Variants in SAMD5 observed in about 807,000 individuals in gnomAD.
SAMD5 encodes the protein sterile alpha motif domain containing 5.
In SAMD5, 13 loss-of-function variants were observed where a neutral mutation model predicts 11.3. The observed-to-expected ratio is 1.15, with a 90% CI of 0.75 to 1.83. The LOEUF (loss-of-function observed/expected upper bound fraction) is 1.83, where lower values mean the gene tolerates loss of function less well. SAMD5 is among the 40% of genes most tolerant of loss of function. The pLI is 0.00. For synonymous variants in SAMD5, 129 were observed against 111.3 expected, an observed-to-expected ratio of 1.16 and a Z score of -1.00; for missense variants, 255 against 239.1, an observed-to-expected ratio of 1.07 and a Z score of -0.44.
At chr6:147,734,733 A>AAAAAAAAAAAAAAAAAAAAAAAAAC (rs1791769582) in intron 1 of SAMD5, among the ~76,000 whole-genome samples, 1 of 147,206 alleles carries the variant, frequency 6.8e-6, no homozygotes, top group Non-Finnish European at 1.5e-5. Flanking sequence ...AAAAAAAAAA[A>AAAAAAAAAAAAAAAAAAAAAAAAAC]AAAAAAAAAG....
In SAMD5 at chr6:147,566,063, G is replaced by A. The variant is rs1264100343; in HGVS notation, c.*1607G>A. On this transcript the variant is annotated 3_prime_UTR_variant, in exon 2 of 2. Transcript: ENST00000367474. The stretch of plus-strand genomic sequence containing the variant: ...CTAAGAATAGATAGGCCATTAAGAA[G>A]GATATTAGGTTTCTAAGGACAATTT... 7.1e-6 allele frequency: 7 copies of A among 984,166 alleles called. No homozygotes were observed. The highest frequency in any genetic ancestry group is 1.7e-5 in the African/African-American group (1 of 57,194). The allele number at this position is 984,166 out of a possible 1,614,324, so 61.0% of individuals were successfully genotyped here.
chr6:147,921,209 G>A, the SAMD5 span, among the ~76,000 whole-genome samples: 2 of 151,482 alleles, frequency 1.3e-5, no homozygotes, highest in Non-Finnish European at 2.9e-5. Flanking sequence ...GACTGTGGTT[G>A]TCTATAAAAT....
chr6:147,835,259 T>C, the SAMD5 span, among the ~76,000 whole-genome samples: 1 of 110,514 alleles, frequency 9.0e-6, no homozygotes, highest in Admixed American at 8.5e-5. Context: ...AAAAAAACAG[T>C]ATATGAGATT....
chr6:147,889,174 T>G, the SAMD5 span, among the ~76,000 whole-genome samples: 1 of 152,240 alleles, frequency 6.6e-6, no homozygotes, highest in East Asian at 1.9e-4. Flanking sequence ...TTGTTTTCAG[T>G]TATTTTCACT....
chr6:147,532,670 A>C (rs1345723092), intron 1 of SAMD5, among the ~76,000 whole-genome samples: 1 of 152,188 alleles, frequency 6.6e-6, no homozygotes, highest in Non-Finnish European at 1.5e-5. Context: ...ACTGGATCAA[A>C]TGGTAGTTCT....
chr6:147,858,249 G>A, the SAMD5 span, among the ~76,000 whole-genome samples: 1 of 152,038 alleles, frequency 6.6e-6, no homozygotes, highest in Non-Finnish European at 1.5e-5. Context: ...TGGTCAGTTA[G>A]CAGCACTTTG....
the SAMD5 span, among the ~76,000 whole-genome samples, chr6:147,834,654 T>C: frequency 6.6e-6 from 1 of 152,214 alleles, no homozygotes; most frequent in Non-Finnish European, 1.5e-5. Context: ...GGCTTACCAC[T>C]GTATTTATAG....
the SAMD5 span, among the ~76,000 whole-genome samples, chr6:147,785,812 G>A: frequency 1.3e-5 from 2 of 152,292 alleles, no homozygotes; most frequent in Non-Finnish European, 2.9e-5. Context: ...TATTAACAGT[G>A]TTACTACAGG....
At chr6:147,744,481 G>T in the SAMD5 span, among the ~76,000 whole-genome samples, 1 of 152,164 alleles carries the variant, frequency 6.6e-6, no homozygotes, top group Non-Finnish European at 1.5e-5. Flanking sequence ...AAAGAGAAAT[G>T]ATTTTTATAT....
chr6:147,621,512 G>C lies in SAMD5; in HGVS notation c.162+112125G>C, dbSNP rs146899489. Among the ~76,000 whole-genome samples, 6 of 152,310 alleles carry C rather than the reference G, an allele frequency of 3.9e-5. No homozygotes were observed. In the East Asian group the frequency reaches 1.2e-3, roughly 29 times the overall value. ...CAACAGCCATCCCTCCTTCTCTCTT[G>C]CTGACACAGAGCTATCCCCCATCCC... On this transcript the variant is annotated intron_variant, in intron 1 of 1. Coordinates refer to the SAMD5 transcript ENST00000566741.
chr6:147,780,548 T>C, the SAMD5 span, among the ~76,000 whole-genome samples: 1 of 152,172 alleles, frequency 6.6e-6, no homozygotes, highest in South Asian at 2.1e-4. Flanking sequence ...AGTTTAAAAC[T>C]CCTTAAAGAA....
intron 1 of SAMD5, among the ~76,000 whole-genome samples, chr6:147,654,054 C>CT (rs1211801545): frequency 6.6e-6 from 1 of 152,164 alleles, no homozygotes; most frequent in Non-Finnish European, 1.5e-5. Flanking sequence ...TATAATGAGC[C>CT]TTTTTGTCTT....
At chr6:147,597,155 C>A (rs573982309) in intron 1 of SAMD5, among the ~76,000 whole-genome samples, 1 of 152,220 alleles carries the variant, frequency 6.6e-6, no homozygotes, top group East Asian at 1.9e-4. Flanking sequence ...GAAAAATCAC[C>A]ATTTTCTCAA....
At chr6:147,939,120 A>T in the SAMD5 span, among the ~76,000 whole-genome samples, 2 of 152,170 alleles carry the variant, frequency 1.3e-5, no homozygotes, top group South Asian at 4.1e-4. Flanking sequence ...CCAGTTTATC[A>T]TAAAGGATAC....
At chr6:147,585,185 A>T (rs1789356730) in intron 1 of SAMD5, among the ~76,000 whole-genome samples, 1 of 152,180 alleles carries the variant, frequency 6.6e-6, no homozygotes, top group Admixed American at 6.5e-5. Context: ...GGAGAATATC[A>T]TGGCGCTTAG....
rs539661316 is a variant in SAMD5, at chr6:147,565,439, T to C, written c.*983T>C. Reference sequence around the variant, plus strand: ...AGTTTTTCTAATTCTTATCGTCTTATCGTTCTTGTGTTTGGATGCTGGTAG... The same window carrying C: ...AGTTTTTCTAATTCTTATCGTCTTACCGTTCTTGTGTTTGGATGCTGGTAG... On this transcript the variant is annotated 3_prime_UTR_variant, in exon 2 of 2. Coordinates refer to ENST00000367474, the MANE Select transcript of SAMD5 (RefSeq NM_001030060.3). 1.5e-5 allele frequency: 15 copies of C among 983,170 alleles called. No homozygotes were observed. The highest frequency in any genetic ancestry group is 5.2e-4 in the Middle Eastern group (1 of 1,910). The allele number at this position is 983,170 out of a possible 1,614,324, so 60.9% of individuals were successfully genotyped here.
chr6:147,770,365 A>G, the SAMD5 span, among the ~76,000 whole-genome samples: 1 of 152,080 alleles, frequency 6.6e-6, no homozygotes, highest in Admixed American at 6.5e-5. Flanking sequence ...AGAGCTATTT[A>G]TTAAAACGGA....
At position 147,717,856 on chromosome 6, in the gene SAMD5, CACAAA is replaced by C. The variant is rs142280809; in HGVS notation, c.163-19434_163-19430del. On this transcript the variant is annotated intron_variant, in intron 1 of 1. Coordinates refer to the SAMD5 transcript ENST00000566741. ...ACAGAGCAAAACTCTGTCTCAAAAACACAAAACAAAACAAAACAAAACAAAACAAA... is the reference window on the plus strand; with the variant it reads ...ACAGAGCAAAACTCTGTCTCAAAAACACAAAACAAAACAAAACAAAACAAA... Among the ~76,000 whole-genome samples, 1,406 of 151,010 alleles carry C rather than the reference CACAAA, an allele frequency of 9.3e-3. 16 individuals are homozygous for C. The highest frequency in any genetic ancestry group is 0.059 in the South Asian group (281 of 4,778).
intron 1 of SAMD5, among the ~76,000 whole-genome samples, chr6:147,712,599 G>A (rs1191506413): frequency 6.6e-6 from 1 of 152,132 alleles, no homozygotes; most frequent in Non-Finnish European, 1.5e-5. Context: ...AATAAGTTGA[G>A]ATAGCATCTT....
Sources: gnomAD v4.1 joint callset for allele counts (sites outside exome capture counted in the v4.1 genomes callset) on GRCh38, gnomAD v4.1.1 for gene constraint, MANE v1.5 for transcripts, NCBI Gene and HGNC (gene_info 2026-07-23, HGNC 2026-07-21) for gene names.